Variants in AGPAT4 observed in about 807,000 individuals in gnomAD.
The protein encoded by AGPAT4 is 1-acyl-sn-glycerol-3-phosphate acyltransferase delta.
Under a neutral mutation model 48.0 loss-of-function variants are expected in AGPAT4, and 15 were observed. The observed-to-expected ratio is 0.31, with a 90% CI of 0.21 to 0.48. The LOEUF (loss-of-function observed/expected upper bound fraction) is 0.48, where lower values mean the gene tolerates loss of function less well. Ranked by LOEUF, AGPAT4 falls within the 20% of genes least tolerant of loss-of-function variation. AGPAT4 has a pLI of 0.99. For synonymous variants in AGPAT4, 178 were observed against 198.7 expected, an observed-to-expected ratio of 0.90 and a Z score of 0.88; for missense variants, 314 against 482.5, an observed-to-expected ratio of 0.65 and a Z score of 3.27.
At position 161,180,518 on chromosome 6, in the gene AGPAT4, T is replaced by A. The variant is rs184812061; in HGVS notation, c.179-14101A>T. 2.6e-5 allele frequency among the ~76,000 whole-genome samples: 4 copies of A among 152,344 alleles called. No homozygotes were observed. Among genetic ancestry groups the A allele is most frequent in the African/African-American group, 9.6e-5 (4 of 41,572 alleles). ...GCTCTAACCAACTTTAACAATTATA[T>A]AATTACATAGGTGATTGCTATGAAA... On this transcript the variant is annotated intron_variant, in intron 2 of 8. Coordinates refer to ENST00000320285, the MANE Select transcript of AGPAT4 (RefSeq NM_020133.3). The surrounding 1 kb of genome is among the most constrained non-coding windows in gnomAD (Gnocchi z 6.4).
At chr6:161,182,919 C>G (rs1780641853) in intron 2 of AGPAT4, among the ~76,000 whole-genome samples, 1 of 152,178 alleles carries the variant, frequency 6.6e-6, no homozygotes, top group Admixed American at 6.5e-5. Flanking sequence ...AAAAAGCTCA[C>G]AGGTGGAGCT....
At chr6:161,263,101 C>T (rs534572520) in intron 1 of AGPAT4, among the ~76,000 whole-genome samples, 12 of 86,014 alleles carry the variant, frequency 1.4e-4, no homozygotes, top group African/African-American at 8.7e-4. Flanking sequence ...ATATTCTCGG[C>T]GGCGGTGGGC....
chr6:161,160,862 A>G, intron 3 of AGPAT4: 1 of 390,588 alleles, frequency 2.6e-6, no homozygotes, highest in South Asian at 1.9e-5. Context: ...CAGAGGCGTT[A>G]CAGGGGTAGG....
At chr6:161,260,678 A>AC (rs1562361716) in intron 1 of AGPAT4, among the ~76,000 whole-genome samples, 2 of 150,212 alleles carry the variant, frequency 1.3e-5, no homozygotes, top group Non-Finnish European at 3.0e-5. Context: ...AAAAAAAAAA[A>AC]AAAACAGGAT....
At chr6:161,248,430 C>T (rs942497774) in intron 1 of AGPAT4, among the ~76,000 whole-genome samples, 1 of 151,772 alleles carries the variant, frequency 6.6e-6, no homozygotes, top group Non-Finnish European at 1.5e-5. Flanking sequence ...AAAAATTAGC[C>T]GGGCATGGTG....
intron 2 of AGPAT4, among the ~76,000 whole-genome samples, chr6:161,183,245 A>G (rs945764777): frequency 6.6e-6 from 1 of 152,124 alleles, no homozygotes; most frequent in Non-Finnish European, 1.5e-5. Context: ...AGGGCTGCAC[A>G]GGAGCTTGGA....
chr6:161,203,548 C>A (rs1255608016), intron 2 of AGPAT4, among the ~76,000 whole-genome samples: 2 of 152,020 alleles, frequency 1.3e-5, no homozygotes, highest in African/African-American at 4.8e-5. Flanking sequence ...GCCACCAAGC[C>A]CAGCTAATTT....
At chr6:161,162,509 C>T (rs772576484) in intron 3 of AGPAT4, among the ~76,000 whole-genome samples, 1 of 152,204 alleles carries the variant, frequency 6.6e-6, no homozygotes, top group Non-Finnish European at 1.5e-5. Flanking sequence ...GGGCAGCAAA[C>T]CCGTGAGCAA....
chr6:161,180,418 C>T lies in AGPAT4; in HGVS notation c.179-14001G>A, dbSNP rs748724732. Among the ~76,000 whole-genome samples, 4 of 152,202 alleles carry T rather than the reference C, an allele frequency of 2.6e-5. No homozygotes were observed. Among genetic ancestry groups the T allele is most frequent in the Non-Finnish European group, 4.4e-5 (3 of 68,032 alleles). ...GTACACAGTTCACTGTTCAAGCACA[C>T]GCCAACAGTCAGAACCTCCCACAGC... On this transcript the variant is annotated intron_variant, in intron 2 of 8. Coordinates refer to ENST00000320285, the MANE Select transcript of AGPAT4 (RefSeq NM_020133.3). This position sits in a 1 kb window ranked among gnomAD's most constrained non-coding sequence, Gnocchi z 6.4.
At chr6:161,168,003 C>A (rs1780154962) in intron 2 of AGPAT4, among the ~76,000 whole-genome samples, 1 of 152,140 alleles carries the variant, frequency 6.6e-6, no homozygotes. Flanking sequence ...TTTCTAGGAA[C>A]TGAGAAAATA....
At position 161,264,149 on chromosome 6, in the gene AGPAT4, C is replaced by A. The variant is rs773901447; in HGVS notation, c.-90+9789G>T. Among the ~76,000 whole-genome samples the A allele has an allele frequency of 6.6e-6, 1 of 152,116 alleles. No homozygotes were observed. Among genetic ancestry groups the A allele is most frequent in the Non-Finnish European group, 1.5e-5 (1 of 68,008 alleles). On this transcript the variant is annotated intron_variant, in intron 1 of 8. Coordinates refer to ENST00000320285, the MANE Select transcript of AGPAT4 (RefSeq NM_020133.3). The surrounding 1 kb of genome is among the most constrained non-coding windows in gnomAD (Gnocchi z 6.8). Reference sequence around the variant, plus strand: ...TTATAAGGTGTAATATGATAAGTGACCATTTGGGAAGAATATGATTGGAAA... The same window carrying A: ...TTATAAGGTGTAATATGATAAGTGAACATTTGGGAAGAATATGATTGGAAA...
intron 8 of AGPAT4, 36 bp from the exon 9 acceptor site, chr6:161,136,670 C>G (rs778439336): frequency 6.3e-7 from 1 of 1,590,640 alleles, no homozygotes; most frequent in Non-Finnish European, 8.6e-7. Context: ...AGGAGTAGCC[C>G]AAACAGACTA....
At position 161,154,859 on chromosome 6, in the gene AGPAT4, G is replaced by C. The variant is rs531262061; in HGVS notation, c.349-549C>G. On this transcript the variant is annotated intron_variant, in intron 3 of 8. Transcript: ENST00000320285. The surrounding 1 kb of genome is among the most constrained non-coding windows in gnomAD (Gnocchi z 7.8). ...GTTGGCCAAAGATTCATTTGAATCC[G>C]ATTTTTCCGAGACAGCTCAACTCAC... Among the ~76,000 whole-genome samples, 23 of 152,340 alleles carry C rather than the reference G, an allele frequency of 1.5e-4. No individual in the cohort carries two copies. The highest frequency in any genetic ancestry group is 5.3e-4 in the African/African-American group (22 of 41,580).
Position 161,272,666 on chromosome 6 carries a change from G to T in AGPAT4, c.-90+1272C>A, listed in dbSNP as rs1359631768. On this transcript the variant is annotated intron_variant, in intron 1 of 8. Transcript: ENST00000320285. This position sits in a 1 kb window ranked among gnomAD's most constrained non-coding sequence, Gnocchi z 4.2. ...GGAATCCTTTTAACGTAGAACTCAAGATGTGCCCTGTTCTCCCTGCCCGCC... is the reference window on the plus strand; with the variant it reads ...GGAATCCTTTTAACGTAGAACTCAATATGTGCCCTGTTCTCCCTGCCCGCC... Among the ~76,000 whole-genome samples, 1 of 151,410 alleles carries T rather than the reference G, an allele frequency of 6.6e-6. No individual in the cohort carries two copies. Among genetic ancestry groups the T allele is most frequent in the Non-Finnish European group, 1.5e-5 (1 of 67,956 alleles).
rs1778927174 is a variant in AGPAT4, at chr6:161,132,317, T to C, written c.*4223A>G. ...CACAGCCACCATATCCTTATATAGATGGGGAAAAATCCAGAAAAGGGGGAT... is the reference window on the plus strand; with the variant it reads ...CACAGCCACCATATCCTTATATAGACGGGGAAAAATCCAGAAAAGGGGGAT... On this transcript the variant is annotated 3_prime_UTR_variant, in exon 9 of 9. Transcript: ENST00000320285. The C allele has an allele frequency of 6.6e-6, 1 of 152,198 alleles. No homozygotes were observed. The allele number at this position is 152,198 out of a possible 1,614,324, so 9.4% of individuals were successfully genotyped here. A position where few individuals can be genotyped will look rare whatever the true frequency, so the allele number is the denominator to read the frequency against.
chr6:161,232,048 A>C lies in AGPAT4; in HGVS notation c.166T>G (p.Cys56Gly), dbSNP rs758395349. 6.2e-7 allele frequency: 1 copy of C among 1,614,128 alleles called. No homozygotes were observed. Among genetic ancestry groups the C allele is most frequent in the Admixed American group, 1.7e-5 (1 of 60,024 alleles). The change falls in exon 2 of 9, where the codon TGC (cysteine) becomes GGC (glycine). Residue 56 changes from cysteine to glycine, a missense_variant. Transcript: ENST00000320285. This position sits in a 1 kb window ranked among gnomAD's most constrained non-coding sequence, Gnocchi z 6.8. ...FRKINCRLSYCISSQLVMLLE... is the reference protein window; with the variant it reads ...FRKINCRLSYGISSQLVMLLE... ...TTAAGTATCTTACGGCTTGAGATGC[A>C]ATAGGACAGTCTGCAGTTGATCTTC...
rs1779064473 is a variant in AGPAT4 at position 161,136,330 on chromosome 6, A to G, written c.*210T>C. ...ACACACTCGCACAAAAAGAAAACCA[A>G]AGCCCACTAAAGCACATGGGGAAAA... On this transcript the variant is annotated 3_prime_UTR_variant, in exon 9 of 9. Transcript: ENST00000320285. The G allele has an allele frequency of 1.7e-6, 1 of 573,734 alleles. No individual in the cohort carries two copies. The highest frequency in any genetic ancestry group is 1.9e-5 in the African/African-American group (1 of 53,366). The allele number at this position is 573,734 out of a possible 1,614,324, so 35.5% of individuals were successfully genotyped here. A position where few individuals can be genotyped will look rare whatever the true frequency, so the allele number is the denominator to read the frequency against.
At position 161,195,521 on chromosome 6, in the gene AGPAT4, C is replaced by T. The variant is rs574190051; in HGVS notation, c.179-29104G>A. 4.6e-5 allele frequency among the ~76,000 whole-genome samples: 7 copies of T among 152,300 alleles called. No homozygotes were observed. The South Asian group carries it at 1.0e-3, about 23-fold the overall frequency. On this transcript the variant is annotated intron_variant, in intron 2 of 8. Transcript: ENST00000320285. This position sits in a 1 kb window ranked among gnomAD's most constrained non-coding sequence, Gnocchi z 5.0. ...GCCAGAGATCTTTAAAAGCTCAAAG[C>T]GCTTCCTAGCGCACACTTCATGTAA...
rs938208214 is a variant in AGPAT4, at chr6:161,242,139, A to C, written c.-89-9837T>G. On this transcript the variant is annotated intron_variant, in intron 1 of 8. Coordinates refer to ENST00000320285, the MANE Select transcript of AGPAT4 (RefSeq NM_020133.3). The surrounding 1 kb of genome is among the most constrained non-coding windows in gnomAD (Gnocchi z 5.0). Reference sequence around the variant, plus strand: ...TATTATCCCATTAGTTCTCACAAAAACCCACTATGAAAGGTATTGCCATTC... The same window carrying C: ...TATTATCCCATTAGTTCTCACAAAACCCCACTATGAAAGGTATTGCCATTC... 1.3e-5 allele frequency among the ~76,000 whole-genome samples: 2 copies of C among 152,166 alleles called. No homozygotes were observed. The highest frequency in any genetic ancestry group is 2.9e-5 in the Non-Finnish European group (2 of 68,034).
Sources: gnomAD v4.1 joint callset for allele counts (sites outside exome capture counted in the v4.1 genomes callset) on GRCh38, gnomAD v4.1.1 for gene constraint, Gnocchi (gnomAD v3.1) non-coding constraint, MANE v1.5 for transcripts, NCBI Gene and HGNC (gene_info 2026-07-23, HGNC 2026-07-21) for gene names.